SMARCC1: variants seen among roughly 807,000 people sequenced by gnomAD.
The protein encoded by SMARCC1 is SWI/SNF complex subunit SMARCC1.
In SMARCC1, 43 loss-of-function variants were observed where a neutral mutation model predicts 147.4. That is an observed-to-expected ratio of 0.29 (90% CI 0.23 to 0.38). The LOEUF is 0.38. Ranked by LOEUF, SMARCC1 falls within the 10% of genes least tolerant of loss-of-function variation. The pLI is 1.00. For synonymous variants in SMARCC1, 495 were observed against 484.4 expected (o/e 1.02, Z -0.29); for missense variants, 1,119 against 1,381.1 (o/e 0.81, Z 3.01).
intron 25 of SMARCC1, among the ~76,000 whole-genome samples, chr3:47,621,234 A>G (rs530949756): frequency 7.0e-6 from 1 of 143,784 alleles, no homozygotes; most frequent in Non-Finnish European, 1.5e-5. Context: ...TAGGAGGCAG[A>G]GGTTGCAGTG....
intron 2 of SMARCC1, among the ~76,000 whole-genome samples, chr3:47,747,869 A>G (rs2034584618): frequency 6.6e-6 from 1 of 151,888 alleles, no homozygotes; most frequent in Admixed American, 6.6e-5. Context: ...TAAATATACA[A>G]AAATTAGGCC....
At chr3:47,636,404 T>A (rs2032969466) in intron 22 of SMARCC1, among the ~76,000 whole-genome samples, 2 of 152,178 alleles carry the variant, frequency 1.3e-5, no homozygotes, top group African/African-American at 4.8e-5. Flanking sequence ...AAAGCAAGGG[T>A]TACCATGCCC....
chr3:47,735,938 T>A, intron 5 of SMARCC1, 96 bp downstream of exon 5: 9 of 509,436 alleles, frequency 1.8e-5, no homozygotes, highest in South Asian at 9.1e-5. Context: ...TATCAAAAAA[T>A]CCAAAACATT....
chr3:47,673,404 G>GGGGGGGGGGC (rs2033529085), intron 18 of SMARCC1, among the ~76,000 whole-genome samples: 1 of 132,212 alleles, frequency 7.6e-6, no homozygotes, highest in Non-Finnish European at 1.7e-5. Flanking sequence ...AAGGGTGGGG[G>GGGGGGGGGGC]GGGGGCAGGC....
intron 12 of SMARCC1, among the ~76,000 whole-genome samples, chr3:47,692,846 C>T (rs1011975544): frequency 4.6e-5 from 7 of 152,004 alleles, no homozygotes; most frequent in African/African-American, 9.7e-5. Flanking sequence ...GGTGAAACCC[C>T]GTCTCTACTA....
chr3:47,664,801 C>T (rs1368481616), intron 19 of SMARCC1, among the ~76,000 whole-genome samples: 1 of 151,988 alleles, frequency 6.6e-6, no homozygotes, highest in Non-Finnish European at 1.5e-5. Context: ...AAGGAGGGGC[C>T]ATGTATGCTG....
At chr3:47,736,216 C>T (rs1262898028) in intron 4 of SMARCC1, 90 bp from the exon 5 acceptor site, 2 of 668,010 alleles carry the variant, frequency 3.0e-6, no homozygotes, top group East Asian at 6.3e-5. Context: ...CCCCAGATAA[C>T]CTTTTCTGCC....
intron 14 of SMARCC1, among the ~76,000 whole-genome samples, chr3:47,682,651 C>G (rs1479704970): frequency 6.6e-6 from 1 of 152,092 alleles, no homozygotes; most frequent in African/African-American, 2.4e-5. Flanking sequence ...TCAATTTTAA[C>G]AGAACAACTC....
chr3:47,650,120 C>G (rs2033169236), intron 21 of SMARCC1, among the ~76,000 whole-genome samples: 2 of 151,384 alleles, frequency 1.3e-5, no homozygotes, highest in African/African-American at 4.8e-5. Flanking sequence ...ACTAAAAATA[C>G]AAAAAATTAG....
chr3:47,746,555 T>G (rs1242220079), intron 2 of SMARCC1: 2 of 152,186 alleles, frequency 1.3e-5, no homozygotes, highest in Non-Finnish European at 2.9e-5. Flanking sequence ...AAAGAATCAC[T>G]TGAGCACAGA....
At chr3:47,738,344 T>C (rs1269508102) in intron 3 of SMARCC1, among the ~76,000 whole-genome samples, 1 of 152,210 alleles carries the variant, frequency 6.6e-6, no homozygotes, top group African/African-American at 2.4e-5. Flanking sequence ...GACATATCTA[T>C]CTAATTTTCC....
intron 1 of SMARCC1, among the ~76,000 whole-genome samples, chr3:47,776,116 C>G (rs999233854): frequency 6.6e-6 from 1 of 151,892 alleles, no homozygotes; most frequent in African/African-American, 2.4e-5. Flanking sequence ...CCACTGCACT[C>G]AAGCCTGGGT....
chr3:47,721,230 T>G (rs2034229442), intron 6 of SMARCC1, among the ~76,000 whole-genome samples: 1 of 152,214 alleles, frequency 6.6e-6, no homozygotes, highest in Non-Finnish European at 1.5e-5. Flanking sequence ...TCCTATAAGC[T>G]GTAAAGTGCT....
Position 47,701,319 on chromosome 3 carries a change from G to A in SMARCC1, c.1124C>T (p.Thr375Ile), listed in dbSNP as rs1241697640. ...EDLTKDMEDP[T>I]PVPNIEEVVL... is the part of the protein sequence containing the mutation. ...TACTTCTTCTATATTGGGTACAGGTGTTGGGTCTTCCATATCCTTGGTTAG... is the reference window on the plus strand; with the variant it reads ...TACTTCTTCTATATTGGGTACAGGTATTGGGTCTTCCATATCCTTGGTTAG... The change falls in exon 11 of 28, where the codon ACA becomes ATA. Residue 375 changes from threonine (T) to isoleucine (I), a missense_variant. Transcript: ENST00000254480. 3 of 1,612,850 alleles carry A rather than the reference G, an allele frequency of 1.9e-6. No homozygotes were observed. The highest frequency in any genetic ancestry group is 2.5e-6 in the Non-Finnish European group (3 of 1,178,840).
At chr3:47,664,946 C>T (rs763235842) in intron 19 of SMARCC1, among the ~76,000 whole-genome samples, 8 of 152,178 alleles carry the variant, frequency 5.3e-5, no homozygotes, top group Non-Finnish European at 8.8e-5. Flanking sequence ...CTTTCTATAA[C>T]AATAGTTGTC....
intron 1 of SMARCC1, among the ~76,000 whole-genome samples, chr3:47,777,582 C>A (rs569629006): frequency 6.6e-6 from 1 of 152,048 alleles, no homozygotes; most frequent in East Asian, 2.0e-4. Context: ...GGCTGGAGTG[C>A]AATGGCCCGA....
intron 25 of SMARCC1, chr3:47,610,646 A>T (rs1262218811): frequency 3.0e-6 from 1 of 336,148 alleles, no homozygotes; most frequent in East Asian, 6.4e-5. Context: ...GCAGGCCTTT[A>T]GATATCTAAA....
At chr3:47,765,355 G>C (rs2034825787) in intron 2 of SMARCC1, among the ~76,000 whole-genome samples, 1 of 151,806 alleles carries the variant, frequency 6.6e-6, no homozygotes, top group Non-Finnish European at 1.5e-5. Flanking sequence ...TGTTAGGGTT[G>C]TTAGCAATTT....
chr3:47,749,670 A>AAAACACACACACACACACACACACACAC (rs2034604110), intron 2 of SMARCC1, among the ~76,000 whole-genome samples: 2 of 92,414 alleles, frequency 2.2e-5, no homozygotes, highest in Admixed American at 1.3e-4. Flanking sequence ...CTCTAAATTA[A>AAAACACACACACACACACACACACACAC]ACACACACAC....
Sources: gnomAD v4.1 joint callset for allele counts (sites outside exome capture counted in the v4.1 genomes callset) on GRCh38, gnomAD v4.1.1 for gene constraint, MANE v1.5 for transcripts, NCBI Gene and HGNC (gene_info 2026-07-23, HGNC 2026-07-21) for gene names.